The following TBC1D8 variants were observed in gnomAD, a reference collection of about 807,000 sequenced individuals.
TBC1D8 encodes the protein BUB2-like protein 1.
A neutral mutation model predicts 118.8 loss-of-function variants in TBC1D8; 65 were observed. The observed-to-expected ratio is 0.55, with a 90% confidence interval of 0.45 to 0.67. The LOEUF is 0.67. Ranked by LOEUF, TBC1D8 falls within the 30% of genes least tolerant of loss-of-function variation. TBC1D8 has a pLI of 0.00. For synonymous variants in TBC1D8, 566 were observed against 595.8 expected, an observed-to-expected ratio of 0.95 and a Z score of 0.73; for missense variants, 1,376 against 1,471.2, an observed-to-expected ratio of 0.94 and a Z score of 1.06.
chr2:101,127,589 G>A (rs1471342979), intron 1 of TBC1D8, among the ~76,000 whole-genome samples: 1 of 152,152 alleles, frequency 6.6e-6, no homozygotes, highest in Admixed American at 6.6e-5. Flanking sequence ...CCAGGCTGGA[G>A]TGCAGCAGAA....
chr2:101,029,330 A>G (rs1680531321), intron 12 of TBC1D8, among the ~76,000 whole-genome samples, 161 bp downstream of exon 12: 1 of 150,552 alleles, frequency 6.6e-6, no homozygotes, highest in Non-Finnish European at 1.5e-5. Context: ...CGGAGGTTGT[A>G]GTGAGCAGAT....
chr2:101,050,539 T>A lies in TBC1D8; in HGVS notation c.734A>T (p.Asp245Val). 6.2e-7 allele frequency: 1 copy of A among 1,614,016 alleles called. No individual in the cohort carries two copies. Among genetic ancestry groups the A allele is most frequent in the African/African-American group, 1.3e-5 (1 of 75,064 alleles). The change falls in exon 5 of 20, where the codon GAC becomes GTC. Residue 245 changes from aspartate (D) to valine (V), a missense_variant. By Grantham distance (152) the Asp-to-Val change is radical. Coordinates refer to ENST00000409318, the MANE Select transcript of TBC1D8 (RefSeq NM_001330348.2). ...IRITTQNKERDFSMFLNLDEV... is the reference protein window; with the variant it reads ...IRITTQNKERVFSMFLNLDEV... ...ATCCAGGTTCAGGAACATGGAGAAG[T>A]CACGCTCCTTATTCTGCGTGGTGAT...
Position 101,036,015 on chromosome 2 carries a change from T to C in TBC1D8, c.1603+3A>G. 1.2e-6 allele frequency: 2 copies of C among 1,613,848 alleles called. No homozygotes were observed. The highest frequency in any genetic ancestry group is 1.7e-6 in the Non-Finnish European group (2 of 1,179,820). On this transcript the variant is annotated splice_donor_region_variant and intron_variant, in intron 9 of 19. Transcript: ENST00000409318. Reference sequence around the variant, plus strand: ...TTAGCTTCGAGACACCAAGAGCGCTTACCTGAGAAGAGAAGCCAGAGTCTC... The same window carrying C: ...TTAGCTTCGAGACACCAAGAGCGCTCACCTGAGAAGAGAAGCCAGAGTCTC...
chr2:101,099,511 G>A (rs990611967), intron 1 of TBC1D8, among the ~76,000 whole-genome samples: 6 of 152,252 alleles, frequency 3.9e-5, no homozygotes, highest in East Asian at 1.9e-4. Flanking sequence ...CTCATTTTAC[G>A]AAGCCAGCAT....
chr2:101,133,778 C>T (rs534751696), intron 1 of TBC1D8, among the ~76,000 whole-genome samples: 1 of 152,236 alleles, frequency 6.6e-6, no homozygotes, highest in Admixed American at 6.5e-5. Flanking sequence ...TTCCCTGAGA[C>T]TGGGCAATTA....
In TBC1D8 at chr2:101,054,833, C is replaced by T. The variant is rs529995268; in HGVS notation, c.403-497G>A. Among the ~76,000 whole-genome samples, 12 of 151,594 alleles carry T rather than the reference C, an allele frequency of 7.9e-5. No homozygotes were observed. In the East Asian group the frequency reaches 1.8e-3, roughly 23 times the overall value. On this transcript the variant is annotated intron_variant, in intron 3 of 19. Coordinates refer to ENST00000409318, the MANE Select transcript of TBC1D8 (RefSeq NM_001330348.2). ...AAATAGCTGGGATCACAGGCACGCA[C>T]CACCACGCTGGGCTAATTTTGTATT...
Position 101,051,574 on chromosome 2 carries a change from TCCAGCA to T in TBC1D8, c.632-939_632-934del, listed in dbSNP as rs1682075522. 2.6e-5 allele frequency among the ~76,000 whole-genome samples: 4 copies of T among 151,896 alleles called. No homozygotes were observed. The South Asian group carries it at 8.3e-4, about 32-fold the overall frequency. On this transcript the variant is annotated intron_variant, in intron 4 of 19. Transcript: ENST00000409318. Reference sequence around the variant, plus strand: ...CTAGATATCTCACAAAGGTCTAATATCCAGCATCTATAAGGAACTTAAACACATTTA... The same window carrying T: ...CTAGATATCTCACAAAGGTCTAATATTCTATAAGGAACTTAAACACATTTA...
At position 101,040,258 on chromosome 2, in the gene TBC1D8, G is replaced by C. The variant is rs773935600; in HGVS notation, c.1000C>G (p.Arg334Gly). Residue 334 changes from arginine to glycine, a missense_variant, in exon 6 of 20, where the codon CGG becomes GGG. Arg to Gly is a moderately radical substitution (Grantham distance 125). Coordinates refer to ENST00000409318, the MANE Select transcript of TBC1D8 (RefSeq NM_001330348.2). Reference sequence around the variant, plus strand: ...ATGTAGCTGTCAGAGGCGAACATCCGCCCCGTGGTGTGACAGCGACTGAAC... The same window carrying C: ...ATGTAGCTGTCAGAGGCGAACATCCCCCCCGTGGTGTGACAGCGACTGAAC... The part of the protein sequence containing the change: ...TPFSRCHTTG[R>G]MFASDSYICF... The C allele has an allele frequency of 6.2e-7, 1 of 1,613,958 alleles. No homozygotes were observed. The highest frequency in any genetic ancestry group is 1.1e-5 in the South Asian group (1 of 91,082).
At chr2:101,029,954 G>C (rs1465452149) in intron 11 of TBC1D8, 178 bp from the exon 12 acceptor site, 1 of 595,298 alleles carries the variant, frequency 1.7e-6, no homozygotes, top group Non-Finnish European at 2.8e-6. Context: ...ATGGGTAAAA[G>C]ATAGCCTTTT....
chr2:101,013,461 A>G (rs1270821843), intron 17 of TBC1D8, among the ~76,000 whole-genome samples: 2 of 152,188 alleles, frequency 1.3e-5, no homozygotes, highest in Non-Finnish European at 2.9e-5. Context: ...TTGACAGACA[A>G]TTTCTATTAA....
In TBC1D8 at chr2:101,097,265, A is replaced by G. The variant is rs192683872; in HGVS notation, c.128-6901T>C. 1.5e-3 allele frequency among the ~76,000 whole-genome samples: 226 copies of G among 152,310 alleles called. No individual in the cohort carries two copies. The South Asian group carries it at 0.017, about 11-fold the overall frequency. ...GAAATAACGGCTTCCTTAAACAAAA[A>G]CTGAGAAAATAATTTCCAGCAGACC... On this transcript the variant is annotated intron_variant, in intron 1 of 19. Transcript: ENST00000409318.
intron 2 of TBC1D8, among the ~76,000 whole-genome samples, chr2:101,077,373 G>A (rs922922830): frequency 3.3e-5 from 5 of 150,830 alleles, no homozygotes; most frequent in East Asian, 1.9e-4. Flanking sequence ...TCAGCCTCCC[G>A]GGTAGCTGGG....
At chr2:101,148,663 C>A (rs1244401108) in intron 1 of TBC1D8, among the ~76,000 whole-genome samples, 1 of 152,168 alleles carries the variant, frequency 6.6e-6, no homozygotes, top group Non-Finnish European at 1.5e-5. Flanking sequence ...TAAACTCCTA[C>A]TAATACAAAT....
chr2:101,019,107 A>T (rs1446692197), intron 17 of TBC1D8: 36 of 1,566,150 alleles, frequency 2.3e-5, no homozygotes, highest in Non-Finnish European at 3.0e-5. Flanking sequence ...GCTGCAGCAG[A>T]TGCCTTTACA....
intron 2 of TBC1D8, among the ~76,000 whole-genome samples, chr2:101,083,009 C>T (rs1210098917): frequency 6.6e-6 from 1 of 152,120 alleles, no homozygotes; most frequent in Non-Finnish European, 1.5e-5. Context: ...TCAAGTTCTT[C>T]CGTTGCACGT....
chr2:101,116,592 A>G (rs1024952107), intron 1 of TBC1D8, among the ~76,000 whole-genome samples: 15 of 152,200 alleles, frequency 9.9e-5, no homozygotes, highest in African/African-American at 3.6e-4. Context: ...TTATTTTAAA[A>G]CAGGGCCACA....
intron 1 of TBC1D8, among the ~76,000 whole-genome samples, chr2:101,101,137 A>T (rs1676799560): frequency 6.6e-6 from 1 of 152,230 alleles, no homozygotes; most frequent in Non-Finnish European, 1.5e-5. Context: ...AAATTTTTGC[A>T]ATCTACTCAT....
chr2:101,082,071 G>A (rs6727703), intron 2 of TBC1D8, among the ~76,000 whole-genome samples: 8 of 152,036 alleles, frequency 5.3e-5, no homozygotes, highest in Admixed American at 2.6e-4. Context: ...CCTGGGAGGC[G>A]GAGGTTGCCG....
chr2:101,142,938 C>T (rs1005752015), intron 1 of TBC1D8, among the ~76,000 whole-genome samples: 1 of 152,068 alleles, frequency 6.6e-6, no homozygotes, highest in Admixed American at 6.6e-5. Context: ...TACAACTTAC[C>T]TTAAATACTC....
Sources: allele counts gnomAD v4.1 joint callset (sites outside exome capture counted in the v4.1 genomes callset), GRCh38; gene constraint gnomAD v4.1.1; transcripts MANE v1.5; gene names NCBI Gene and HGNC (gene_info 2026-07-23, HGNC 2026-07-21).